Variants in BMPER observed in about 807,000 individuals in gnomAD.
The protein encoded by BMPER is BMP binding endothelial regulator, also known as BMP-binding endothelial regulator protein.
BMPER carries 45 observed loss-of-function variants against 87.3 expected under a neutral mutation model. The observed-to-expected ratio is 0.52, with a 90% CI of 0.41 to 0.66. BMPER has a LOEUF of 0.66. BMPER is among the 30% of genes least tolerant of loss of function. BMPER has a pLI of 0.00. For missense variants in BMPER, 784 were observed against 867.5 expected (o/e 0.90, Z 1.21); for synonymous variants, 326 against 316.2 (o/e 1.03, Z -0.33).
At position 33,905,857 on chromosome 7, in the gene BMPER, G is replaced by C. The variant is rs1345967587; in HGVS notation, c.133+111G>C. 4.3e-6 allele frequency: 6 copies of C among 1,386,850 alleles called. No homozygotes were observed. In the East Asian group the frequency reaches 9.9e-5, roughly 23 times the overall value. 85.9% of individuals were successfully genotyped at this position (1,386,850 alleles called of 1,614,324 possible). A position where few individuals can be genotyped will look rare whatever the true frequency, so the allele number is the denominator to read the frequency against. On this transcript the variant is annotated intron_variant, in intron 1 of 14. Transcript: ENST00000649409. ...GAGGGTGGGGAGCGCGCACCTTGGC[G>C]CTTGCCCTGCGCTGGTCGATGGGGA...
At position 33,974,743 on chromosome 7, in the gene BMPER, T is replaced by A. The variant is rs1176959421; in HGVS notation, c.535T>A (p.Phe179Ile). The change falls in exon 6 of 15, where the codon TTT becomes ATT. Residue 179 changes from phenylalanine to isoleucine, a missense_variant. Phe to Ile is a conservative substitution (Grantham distance 21, BLOSUM62 0). Transcript: ENST00000649409. ...EGVQYQEGEE[F>I]QPEGSKCTKC... ...TGTGCAGTATCAAGAAGGGGAGGAA[T>A]TTCAGCCAGAAGGAAGCAAATGTAC... The A allele has an allele frequency of 6.2e-7, 1 of 1,613,922 alleles. No homozygotes were observed. The highest frequency in any genetic ancestry group is 2.2e-5 in the East Asian group (1 of 44,854).
At chr7:34,117,738 C>T (rs1199369562) in intron 13 of BMPER, among the ~76,000 whole-genome samples, 1 of 152,088 alleles carries the variant, frequency 6.6e-6, no homozygotes, top group Admixed American at 6.5e-5. Flanking sequence ...CATTTTTCAC[C>T]CAGAAACAGA....
At chr7:34,033,676 G>A (rs1787587152) in intron 6 of BMPER, among the ~76,000 whole-genome samples, 1 of 152,186 alleles carries the variant, frequency 6.6e-6, no homozygotes. Flanking sequence ...GAGAGCCCTG[G>A]GCATTTTCTG....
chr7:34,133,915 G>T (rs1790655300), intron 13 of BMPER, among the ~76,000 whole-genome samples: 1 of 152,146 alleles, frequency 6.6e-6, no homozygotes, highest in Admixed American at 6.5e-5. Flanking sequence ...TTTCTCTTCT[G>T]CTTAGGTGAA....
At chr7:33,940,292 T>G (rs1784721352) in intron 3 of BMPER, among the ~76,000 whole-genome samples, 1 of 152,234 alleles carries the variant, frequency 6.6e-6, no homozygotes, top group African/African-American at 2.4e-5. Flanking sequence ...CCTTAATAGA[T>G]ACATAAGATT....
At chr7:33,914,060 C>T (rs1189057889) in intron 2 of BMPER, among the ~76,000 whole-genome samples, 2 of 150,466 alleles carry the variant, frequency 1.3e-5, no homozygotes, top group Admixed American at 6.6e-5. Context: ...CTCCCGGGTT[C>T]GCGCCATTCT....
At chr7:33,975,433 T>G (rs1785661508) in intron 6 of BMPER, among the ~76,000 whole-genome samples, 2 of 152,210 alleles carry the variant, frequency 1.3e-5, no homozygotes, top group African/African-American at 4.8e-5. Context: ...CTTGTCTTTC[T>G]AAGCATTGCT....
At chr7:34,017,297 G>A (rs1787051485) in intron 6 of BMPER, among the ~76,000 whole-genome samples, 1 of 149,616 alleles carries the variant, frequency 6.7e-6, no homozygotes, top group Admixed American at 6.7e-5. Context: ...ACCCGAGACT[G>A]GGTAATTTAT....
Position 33,970,435 on chromosome 7 carries a change from A to G in BMPER, c.493+16A>G, listed in dbSNP as rs904659614. On this transcript the variant is annotated intron_variant, in intron 5 of 14. Transcript: ENST00000649409. ...ACATGTCCAGGTAACGTTCTCAGGA[A>G]GGGGAGGCTGGAAATCTCTGTGTGT... 2.5e-6 allele frequency: 4 copies of G among 1,610,494 alleles called. No individual in the cohort carries two copies. Among genetic ancestry groups the G allele is most frequent in the Middle Eastern group, 1.7e-4 (1 of 6,056 alleles).
chr7:34,098,145 T>C lies in BMPER; in HGVS notation c.1745+12053T>C, dbSNP rs188815315. Among the ~76,000 whole-genome samples, 327 of 152,296 alleles carry C rather than the reference T, an allele frequency of 2.1e-3. 1 individual carries two copies. The highest frequency in any genetic ancestry group is 4.0e-3 in the Non-Finnish European group (272 of 68,026). ...AAAGTTCTCCTGGTCGCTGAGATGCTTTCCATAGAGACGCCAGTGTGGGGA... is the reference window on the plus strand; with the variant it reads ...AAAGTTCTCCTGGTCGCTGAGATGCCTTCCATAGAGACGCCAGTGTGGGGA... On this transcript the variant is annotated intron_variant, in intron 13 of 14. Coordinates refer to ENST00000649409, the MANE Select transcript of BMPER (RefSeq NM_001365308.1).
intron 1 of BMPER, among the ~76,000 whole-genome samples, chr7:33,906,081 G>T (rs990213433): frequency 1.3e-5 from 2 of 151,994 alleles, no homozygotes; most frequent in East Asian, 3.9e-4. Context: ...GCAGTTTTCC[G>T]CACATCTTCC....
rs1400026155 is a variant in BMPER, at chr7:34,153,442, G to A, written c.*169G>A. ...TTCAAAAACATTGCATCATTTATAT[G>A]AACTATAGGGGGATTATTATATGTA... On this transcript the variant is annotated 3_prime_UTR_variant, in exon 15 of 15. Coordinates refer to ENST00000649409, the MANE Select transcript of BMPER (RefSeq NM_001365308.1). The A allele has an allele frequency of 2.9e-6, 2 of 680,642 alleles. No homozygotes were observed. The highest frequency in any genetic ancestry group is 4.9e-6 in the Non-Finnish European group (2 of 408,800). The allele number at this position is 680,642 out of a possible 1,614,324, so 42.2% of individuals were successfully genotyped here. A position where few individuals can be genotyped will look rare whatever the true frequency, so the allele number is the denominator to read the frequency against.
At chr7:34,119,014 T>TCTCTCACACACACACACA (rs66493349) in intron 13 of BMPER, among the ~76,000 whole-genome samples, 66 of 135,792 alleles carry the variant, frequency 4.9e-4, no homozygotes, top group Non-Finnish European at 9.3e-4. Flanking sequence ...TCTCTCTCTC[T>TCTCTCACACACACACACA]CACACACACA....
chr7:34,137,292 C>T (rs75576221), intron 13 of BMPER, among the ~76,000 whole-genome samples: 6,220 of 152,322 alleles, frequency 0.041, 271 homozygotes, highest in African/African-American at 0.11. Context: ...AGTTCAGAGG[C>T]TGTTATGGCC....
intron 8 of BMPER, among the ~76,000 whole-genome samples, chr7:34,054,008 A>G (rs1788213396): frequency 6.6e-6 from 1 of 152,208 alleles, no homozygotes; most frequent in Non-Finnish European, 1.5e-5. Context: ...ACAACAGCCT[A>G]TCTCAGGTGT....
chr7:34,089,379 A>C (rs1585821366), intron 13 of BMPER, among the ~76,000 whole-genome samples: 1 of 152,202 alleles, frequency 6.6e-6, no homozygotes, highest in South Asian at 2.1e-4. Context: ...CCACAGGGCA[A>C]ATTCTATGAT....
chr7:34,049,781 G>A (rs1222423162), intron 7 of BMPER, among the ~76,000 whole-genome samples: 1 of 152,096 alleles, frequency 6.6e-6, no homozygotes, highest in Non-Finnish European at 1.5e-5. Context: ...CTCAACTGAA[G>A]CAGAGATATT....
chr7:34,041,703 AC>A (rs1787836694), intron 6 of BMPER, among the ~76,000 whole-genome samples: 1 of 152,054 alleles, frequency 6.6e-6, no homozygotes, highest in Non-Finnish European at 1.5e-5. Context: ...TGCACTAAAG[AC>A]GTATTTCTCC....
chr7:34,039,996 T>A (rs994354345), intron 6 of BMPER, among the ~76,000 whole-genome samples: 2 of 152,038 alleles, frequency 1.3e-5, no homozygotes, highest in Non-Finnish European at 2.9e-5. Flanking sequence ...TTCTAAGTTA[T>A]TGTGACAATG....
Sources: allele counts gnomAD v4.1 joint callset (sites outside exome capture counted in the v4.1 genomes callset), GRCh38; gene constraint gnomAD v4.1.1; transcripts MANE v1.5; gene names NCBI Gene and HGNC (gene_info 2026-07-23, HGNC 2026-07-21).